The following ABCA9 variants were observed in gnomAD, a reference collection of about 807,000 sequenced individuals.
ABCA9 encodes ATP binding cassette subfamily A member 9.
ABCA9 carries 183 observed loss-of-function variants against 205.3 expected under a neutral mutation model. That is an observed-to-expected ratio of 0.89 (90% confidence interval 0.79 to 1.01). The LOEUF (loss-of-function observed/expected upper bound fraction) is 1.01. ABCA9 is among the 50% of genes least tolerant of loss of function. The pLI is 0.00. For synonymous variants in ABCA9, 651 were observed against 683.3 expected (o/e 0.95, Z 0.74); for missense variants, 1,805 against 1,912.4 (o/e 0.94, Z 1.05).
rs778606363 is a variant in ABCA9, at chr17:69,007,825, A to AT, written c.3368dup (p.Tyr1123Ter). Reference sequence around the variant, plus strand: ...CATTGCGAAAAATGAATGAAATCACATATGTCAAGAAAACAAGAGATGAGA... The same window carrying AT: ...CATTGCGAAAAATGAATGAAATCACATTATGTCAAGAAAACAAGAGATGAGA... ...GYVSSLVFLT[Y>*]VISFIFRNGR... The change falls in exon 25 of 39, where the codon TAT becomes TAAT. Residue 1123 changes from tyrosine (Y) to a stop codon, truncating the protein, a stop_gained and frameshift_variant. Coordinates refer to ENST00000340001, the MANE Select transcript of ABCA9 (RefSeq NM_080283.4). LOFTEE classifies it high-confidence loss of function. 1 of 1,611,812 alleles carries AT rather than the reference A, an allele frequency of 6.2e-7. No homozygotes were observed. Among genetic ancestry groups the AT allele is most frequent in the Non-Finnish European group, 8.5e-7 (1 of 1,178,498 alleles).
chr17:69,040,686 C>T (rs1457839504), intron 6 of ABCA9, among the ~76,000 whole-genome samples: 3 of 152,160 alleles, frequency 2.0e-5, no homozygotes, highest in African/African-American at 7.2e-5. Context: ...CAAACCTGCA[C>T]ATTCTGCACA....
At chr17:69,006,195 TG>T (rs1462228324) in intron 25 of ABCA9, among the ~76,000 whole-genome samples, 4 of 152,218 alleles carry the variant, frequency 2.6e-5, no homozygotes, top group African/African-American at 4.8e-5. Context: ...ACTCTGTGGG[TG>T]GTTCCACCTC....
At chr17:69,052,367 T>C (rs1308420888) in intron 1 of ABCA9, among the ~76,000 whole-genome samples, 1 of 151,964 alleles carries the variant, frequency 6.6e-6, no homozygotes, top group Non-Finnish European at 1.5e-5. Flanking sequence ...AGAGAGAGAC[T>C]CTGTCTCAAA....
intron 1 of ABCA9, among the ~76,000 whole-genome samples, chr17:69,056,767 T>C (rs2072082067): frequency 6.6e-6 from 1 of 152,192 alleles, no homozygotes. Flanking sequence ...ATATACTGTG[T>C]AAGAGATAAT....
chr17:68,995,978 C>A lies in ABCA9; in HGVS notation c.3472G>T (p.Glu1158Ter). ...IFSIVATDLN[E>*]YGFLGLFFGT... ...AAAAATAGCCCTAGAAATCCATATT[C>A]ATTTAGATCAGTAGCAACTATCGAG... The change falls in exon 26 of 39, where the codon GAA becomes TAA. Residue 1158 changes from glutamate (E) to a stop codon, truncating the protein, a stop_gained. Coordinates refer to ENST00000340001, the MANE Select transcript of ABCA9 (RefSeq NM_080283.4). LOFTEE classifies it high-confidence loss of function. 1.9e-6 allele frequency: 3 copies of A among 1,613,710 alleles called. No individual in the cohort carries two copies. The highest frequency in any genetic ancestry group is 2.5e-6 in the Non-Finnish European group (3 of 1,179,898).
At chr17:69,022,825 ATAAAT>A (rs1387911361) in intron 17 of ABCA9, among the ~76,000 whole-genome samples, 1 of 152,226 alleles carries the variant, frequency 6.6e-6, no homozygotes, top group East Asian at 1.9e-4. Flanking sequence ...CAATATTGGG[ATAAAT>A]TAAAGACTTC....
chr17:69,018,582 A>G lies in ABCA9; in HGVS notation c.2601-3T>C, dbSNP rs1367142954. ...AGCTAATACCAAAAAGCAATAATCT[A>G]TGCAGAGGAAAATGTAAAAGAAAAA... is the stretch of plus-strand genomic sequence containing the variant. On this transcript the variant is annotated splice_region_variant and splice_polypyrimidine_tract_variant and intron_variant, in intron 19 of 38. Transcript: ENST00000340001. 1.3e-5 allele frequency: 20 copies of G among 1,558,312 alleles called. No homozygotes were observed. Among genetic ancestry groups the G allele is most frequent in the Non-Finnish European group, 1.6e-5 (19 of 1,160,616 alleles).
At chr17:68,998,832 CT>C (rs139808117) in intron 25 of ABCA9, among the ~76,000 whole-genome samples, 4,696 of 145,432 alleles carry the variant, frequency 0.032, 256 homozygotes, top group African/African-American at 0.11. Context: ...TCTAAAATTT[CT>C]TTTTTTTTTG....
In ABCA9 at chr17:69,020,523, A is replaced by G. The variant is rs1294052689; in HGVS notation, c.2465T>C (p.Leu822Pro). The G allele has an allele frequency of 6.2e-7, 1 of 1,614,136 alleles. No individual in the cohort carries two copies. The highest frequency in any genetic ancestry group is 8.5e-7 in the Non-Finnish European group (1 of 1,179,976). Residue 822 changes from leucine to proline, a missense_variant, in exon 19 of 39, where the codon CTG becomes CCG. Physicochemically the swap from Leu to Pro is moderately conservative, Grantham distance 98. Coordinates refer to ENST00000340001, the MANE Select transcript of ABCA9 (RefSeq NM_080283.4). ...GAKDIGSLVE[L>P]EQVLSSFHET... ...GTGGAAGGAAGACAAAACTTGTTCC[A>G]GCTCAACAAGGCTTCCTATATCTTT...
At chr17:68,976,381 G>C (rs1018366739) in intron 37 of ABCA9, among the ~76,000 whole-genome samples, 191 bp from the exon 38 acceptor site, 2 of 152,174 alleles carry the variant, frequency 1.3e-5, no homozygotes, top group Admixed American at 6.5e-5. Flanking sequence ...CTTTCATCTA[G>C]AGTATTGGTA....
upstream of ABCA9, among the ~76,000 whole-genome samples, chr17:69,061,336 T>TTA (rs72559414): frequency 1.3e-3 from 191 of 150,606 alleles, no homozygotes; most frequent in African/African-American, 3.7e-3. Context: ...AATATATATG[T>TTA]TATATATATA....
the ABCA9 span, chr17:69,078,901 A>G: frequency 1.2e-6 from 1 of 818,958 alleles, no homozygotes; most frequent in Non-Finnish European, 1.8e-6. Flanking sequence ...CTTTAAAATT[A>G]AACATACTAT....
chr17:69,076,997 G>A, the ABCA9 span, among the ~76,000 whole-genome samples: 1 of 151,424 alleles, frequency 6.6e-6, no homozygotes, highest in Non-Finnish European at 1.5e-5. Flanking sequence ...GTGGATTTTT[G>A]GGCCTCAATT....
At chr17:69,005,934 T>G (rs1190168248) in intron 25 of ABCA9, among the ~76,000 whole-genome samples, 1 of 152,230 alleles carries the variant, frequency 6.6e-6, no homozygotes, top group African/African-American at 2.4e-5. Flanking sequence ...TTTAAGACTT[T>G]AGGTCTAGAA....
At position 68,974,633 on chromosome 17, in the gene ABCA9, A is replaced by AAGAGT. The variant is rs1284437216; in HGVS notation, c.*1277_*1281dup. 6.6e-6 allele frequency: 1 copy of AAGAGT among 152,186 alleles called. No individual in the cohort carries two copies. Among genetic ancestry groups the AAGAGT allele is most frequent in the Non-Finnish European group, 1.5e-5 (1 of 68,028 alleles). The allele number at this position is 152,186 out of a possible 1,614,324, so 9.4% of individuals were successfully genotyped here. On this transcript the variant is annotated 3_prime_UTR_variant, in exon 39 of 39. Transcript: ENST00000340001. ...ATTAACAAGAAAAACTCACCTAAATAAGAGTATACAAGTTTATTTTAAGGT... is the reference window on the plus strand; with the variant it reads ...ATTAACAAGAAAAACTCACCTAAATAAGAGTAGAGTATACAAGTTTATTTTAAGGT...
intron 19 of ABCA9, 46 bp downstream of exon 19, chr17:69,020,337 ATTTAT>A (rs1259934507): frequency 1.7e-5 from 26 of 1,519,604 alleles, no homozygotes; most frequent in Non-Finnish European, 2.3e-5. Context: ...GCTCTCTTAA[ATTTAT>A]TTTTAGTTCA....
At position 69,016,349 on chromosome 17, in the gene ABCA9, A is replaced by G; in HGVS notation, c.2943T>C (p.Asn981=). 6.2e-7 allele frequency: 1 copy of G among 1,603,588 alleles called. No individual in the cohort carries two copies. Among genetic ancestry groups the G allele is most frequent in the Non-Finnish European group, 8.5e-7 (1 of 1,176,240 alleles). Residue 981 remains asparagine (N), a synonymous_variant, in exon 22 of 39, where the codon AAT becomes AAC. Coordinates refer to ENST00000340001, the MANE Select transcript of ABCA9 (RefSeq NM_080283.4). ...FSIACNTKRL[N]CFPVLLDVIS... Reference sequence around the variant, plus strand: ...TGACATCCAGGAGGACAGGAAAGCAATTCAGCCGTTTTGTATTACATGCTA... The same window carrying G: ...TGACATCCAGGAGGACAGGAAAGCAGTTCAGCCGTTTTGTATTACATGCTA...
At chr17:69,036,602 C>T (rs759280346) in intron 6 of ABCA9, among the ~76,000 whole-genome samples, 2 of 151,974 alleles carry the variant, frequency 1.3e-5, no homozygotes, top group African/African-American at 2.4e-5. Flanking sequence ...ACCAACGACA[C>T]TATGAAGAAA....
chr17:68,989,921 T>C lies in ABCA9; in HGVS notation c.3847A>G (p.Ile1283Val), dbSNP rs753555996. 6 of 1,609,538 alleles carry C rather than the reference T, an allele frequency of 3.7e-6. No homozygotes were observed. The African/African-American group carries it at 4.0e-5, about 11-fold the overall frequency. The change falls in exon 30 of 39, where the codon ATC becomes GTC. Residue 1283 changes from isoleucine to valine, a missense_variant. Transcript: ENST00000340001. ...TCCTTCCGTAGACAGCTGGCAATGA[T>C]GACGGGTGTCTGTAAAGACAAGTAA... ...AVRDFDETPV[I>V]IASCLRKEYA...
Sources: gnomAD v4.1 joint callset for allele counts (sites outside exome capture counted in the v4.1 genomes callset) on GRCh38, gnomAD v4.1.1 for gene constraint, MANE v1.5 for transcripts, NCBI Gene and HGNC (gene_info 2026-07-23, HGNC 2026-07-21) for gene names.